The following BACH2 variants were observed in gnomAD, a reference collection of about 807,000 sequenced individuals.
The protein encoded by BACH2 is transcription regulator protein BACH2.
BACH2 carries 5 observed loss-of-function variants against 61.8 expected under a neutral mutation model. The observed-to-expected ratio is 0.08, with a 90% CI of 0.04 to 0.17. The LOEUF is 0.17. Among genes scored for constraint, BACH2 ranks in the 10% least tolerant of loss-of-function variants. The pLI is 1.00. For missense variants in BACH2, 824 were observed against 1,091.1 expected, an observed-to-expected ratio of 0.76 and a Z score of 3.45; for synonymous variants, 446 against 440.1, an observed-to-expected ratio of 1.01 and a Z score of -0.17.
intron 6 of BACH2, among the ~76,000 whole-genome samples, chr6:89,992,082 C>T (rs1243417985): frequency 6.6e-6 from 1 of 152,170 alleles, no homozygotes; most frequent in African/African-American, 2.4e-5. Context: ...GATACAGAGT[C>T]TCACTCCTAT....
intron 5 of BACH2, among the ~76,000 whole-genome samples, chr6:90,021,299 T>TAAAAAAAAAAAAAAAA (rs200724602): frequency 2.0e-5 from 2 of 100,236 alleles, no homozygotes; most frequent in Non-Finnish European, 4.5e-5. Context: ...AGCAAAAAAG[T>TAAAAAAAAAAAAAAAA]AAAAAAAAAA....
At position 89,930,172 on chromosome 6, in the gene BACH2, A is replaced by G. The variant is rs1019244273; in HGVS notation, c.*2236T>C. ...ACACACACACACACACACAAACAAG[A>G]AAAAACAAAAACCCAGAGGCAGGTT... On this transcript the variant is annotated 3_prime_UTR_variant, in exon 9 of 9. Transcript: ENST00000257749. 5 of 149,450 alleles carry G rather than the reference A, an allele frequency of 3.3e-5. No individual in the cohort carries two copies. Among genetic ancestry groups the G allele is most frequent in the Middle Eastern group, 6.8e-3 (2 of 296 alleles). The allele number at this position is 149,450 out of a possible 1,614,324, so 9.3% of individuals were successfully genotyped here.
Position 89,951,671 on chromosome 6 carries a change from C to A in BACH2, c.435G>T (p.Lys145Asn), listed in dbSNP as rs1008925614. Residue 145 changes from lysine to asparagine, a missense_variant, in exon 7 of 9, where the codon AAG (lysine) becomes AAT (asparagine). This residue lies in a region of BACH2 where 107 missense variants were observed against 121.7 expected (regional missense o/e 0.88). Transcript: ENST00000257749. The surrounding 1 kb of genome is among the most constrained non-coding windows in gnomAD (Gnocchi z 6.4). The stretch of plus-strand genomic sequence containing the variant: ...CGTGTGGGCGCTGGCACGCAGCATC[C>A]TTCCGGCACACAAACAGGCCATCCT... Reference protein sequence around the residue: ...NSEDGLFVCRKDAACQRPHED... With the variant: ...NSEDGLFVCRNDAACQRPHED... 1.9e-6 allele frequency: 3 copies of A among 1,614,236 alleles called. No homozygotes were observed. Among genetic ancestry groups the A allele is most frequent in the Non-Finnish European group, 2.5e-6 (3 of 1,180,042 alleles).
chr6:90,257,693 T>C (rs1771026388), intron 2 of BACH2, among the ~76,000 whole-genome samples: 1 of 152,216 alleles, frequency 6.6e-6, no homozygotes, highest in African/African-American at 2.4e-5. Context: ...GATTGGAATT[T>C]TTTCCCAATC....
At chr6:90,132,142 G>A (rs898007771) in intron 4 of BACH2, among the ~76,000 whole-genome samples, 3 of 152,214 alleles carry the variant, frequency 2.0e-5, no homozygotes, top group African/African-American at 7.2e-5. Flanking sequence ...AAGAGAGGAA[G>A]CTATCTAAGT....
intron 4 of BACH2, among the ~76,000 whole-genome samples, chr6:90,144,276 G>A (rs1784550575): frequency 6.6e-6 from 1 of 151,882 alleles, no homozygotes; most frequent in Non-Finnish European, 1.5e-5. Context: ...TGGATCCCTA[G>A]AACTTTATAC....
chr6:90,289,640 T>C (rs192197457), intron 1 of BACH2, among the ~76,000 whole-genome samples: 1 of 152,192 alleles, frequency 6.6e-6, no homozygotes, highest in East Asian at 1.9e-4. Context: ...CATGATGAGC[T>C]GAAACAAGAA....
intron 6 of BACH2, among the ~76,000 whole-genome samples, chr6:89,963,643 GT>G (rs1364455793): frequency 6.6e-6 from 1 of 152,188 alleles, no homozygotes; most frequent in Non-Finnish European, 1.5e-5. Flanking sequence ...ATGGAAAACA[GT>G]ATGAAGGTTC....
intron 5 of BACH2, among the ~76,000 whole-genome samples, chr6:90,058,398 T>G (rs542962976): frequency 1.2e-3 from 182 of 152,224 alleles, no homozygotes; most frequent in African/African-American, 3.8e-3. Context: ...ATAAAATACC[T>G]GGGAATCCAA....
At chr6:90,085,402 T>C (rs904897219) in intron 5 of BACH2, among the ~76,000 whole-genome samples, 12 of 152,172 alleles carry the variant, frequency 7.9e-5, no homozygotes, top group Non-Finnish European at 2.9e-5. Flanking sequence ...TGGGACTCTC[T>C]CTGTGCTCTG....
chr6:89,970,617 A>G (rs1436552098), intron 6 of BACH2, among the ~76,000 whole-genome samples: 1 of 152,204 alleles, frequency 6.6e-6, no homozygotes, highest in Non-Finnish European at 1.5e-5. Flanking sequence ...GATACCAGGC[A>G]TGTTTCTTTT....
chr6:90,163,342 AAAC>A (rs1767470937), intron 4 of BACH2, among the ~76,000 whole-genome samples: 2 of 152,162 alleles, frequency 1.3e-5, no homozygotes, highest in African/African-American at 4.8e-5. Context: ...AGGCAGGTAA[AAAC>A]AATGAAGTGA....
intron 6 of BACH2, among the ~76,000 whole-genome samples, chr6:89,969,220 AT>A (rs1454806156): frequency 6.6e-6 from 1 of 151,502 alleles, no homozygotes; most frequent in Non-Finnish European, 1.5e-5. Flanking sequence ...CGCCCAGCTA[AT>A]TTTTTTGTAT....
chr6:90,279,587 T>C (rs1018639556), intron 1 of BACH2, among the ~76,000 whole-genome samples: 1 of 151,612 alleles, frequency 6.6e-6, no homozygotes, highest in African/African-American at 2.4e-5. Context: ...ATACATTATC[T>C]CATCTAGATG....
intron 8 of BACH2, among the ~76,000 whole-genome samples, chr6:89,934,070 A>G (rs1454975864): frequency 6.6e-6 from 1 of 152,166 alleles, no homozygotes; most frequent in African/African-American, 2.4e-5. Context: ...ACGGAGTTTC[A>G]TATAGAACCC....
intron 4 of BACH2, among the ~76,000 whole-genome samples, chr6:90,152,310 ACAC>A (rs1296412175): frequency 6.6e-6 from 1 of 152,234 alleles, no homozygotes; most frequent in Non-Finnish European, 1.5e-5. Context: ...ACACAGAAAG[ACAC>A]AGGTAACTCT....
intron 5 of BACH2, among the ~76,000 whole-genome samples, chr6:90,075,489 C>A (rs1781433479): frequency 6.6e-6 from 1 of 152,082 alleles, no homozygotes; most frequent in African/African-American, 2.4e-5. Flanking sequence ...ACCTGGCTTT[C>A]CAAGTGTGTT....
chr6:90,283,576 C>T (rs1011447418), intron 1 of BACH2, among the ~76,000 whole-genome samples: 3 of 151,944 alleles, frequency 2.0e-5, no homozygotes, highest in African/African-American at 7.2e-5. Flanking sequence ...AGGGTTTCAT[C>T]GTTTTAGCCA....
chr6:89,941,369 G>A (rs1020174069), intron 7 of BACH2, among the ~76,000 whole-genome samples: 1 of 152,200 alleles, frequency 6.6e-6, no homozygotes, highest in Non-Finnish European at 1.5e-5. Context: ...GTTCCCAGCA[G>A]GTGATCTGAT....
Sources: allele counts gnomAD v4.1 joint callset (sites outside exome capture counted in the v4.1 genomes callset), GRCh38; gene constraint gnomAD v4.1.1; regional missense constraint gnomAD v4.1.1; non-coding constraint Gnocchi (gnomAD v3.1); transcripts MANE v1.5; gene names NCBI Gene and HGNC (gene_info 2026-07-23, HGNC 2026-07-21).